MEMO1: variants seen among roughly 807,000 people sequenced by gnomAD.
The protein encoded by MEMO1 is mediator of cell motility 1.
MEMO1 carries 6 observed loss-of-function variants against 45.2 expected under a neutral mutation model. That is an observed-to-expected ratio of 0.13 (90% CI 0.07 to 0.26). MEMO1 has a LOEUF of 0.26. Ranked by LOEUF, MEMO1 falls within the 10% of genes least tolerant of loss-of-function variation. The pLI, the probability that MEMO1 is intolerant of heterozygous loss-of-function variation, is 1.00. For synonymous variants in MEMO1, 78 were observed against 124.3 expected (o/e 0.63, Z 2.48); for missense variants, 184 against 370.5 (o/e 0.50, Z 4.13).
At chr2:31,940,577 T>C in intron 3 of MEMO1, among the ~76,000 whole-genome samples, 1 of 152,230 alleles carries the variant, frequency 6.6e-6, no homozygotes, top group East Asian at 1.9e-4. Flanking sequence ...TATCTCACTG[T>C]TGCCCAAGCG....
chr2:31,948,448 G>A (rs1193296199), intron 2 of MEMO1, among the ~76,000 whole-genome samples: 3 of 152,196 alleles, frequency 2.0e-5, no homozygotes, highest in Admixed American at 6.5e-5. Context: ...AAAGTAGGCC[G>A]TTGGCACCCA....
At chr2:31,869,531 A>G (rs1265618731) in intron 9 of MEMO1, among the ~76,000 whole-genome samples, 1 of 152,130 alleles carries the variant, frequency 6.6e-6, no homozygotes, top group Admixed American at 6.5e-5. Context: ...CAAAAAATTA[A>G]TAAGACCATA....
intron 4 of MEMO1, among the ~76,000 whole-genome samples, chr2:31,923,159 C>G (rs188285725): frequency 2.6e-5 from 4 of 152,248 alleles, no homozygotes; most frequent in Non-Finnish European, 5.9e-5. Flanking sequence ...TTTTCAATAA[C>G]CGCCACTCTA....
rs1352921313 is a variant in MEMO1, at chr2:31,922,169, T to C, written c.213-1259A>G. ...CAATTAATGAACAAAAGCTGAGAGA[T>C]GAGCTAGTTCTTTTCTGTCAAAAAT... is the stretch of plus-strand genomic sequence containing the variant. On this transcript the variant is annotated intron_variant, in intron 4 of 9. Coordinates refer to ENST00000404530, the MANE Select transcript of MEMO1 (RefSeq NM_001301833.4). Among the ~76,000 whole-genome samples, 4 of 152,036 alleles carry C rather than the reference T, an allele frequency of 2.6e-5. No individual in the cohort carries two copies. In the South Asian group the frequency reaches 8.3e-4, roughly 31 times the overall value.
chr2:31,967,477 CT>C (rs1668773234), intron 2 of MEMO1, among the ~76,000 whole-genome samples: 1 of 151,854 alleles, frequency 6.6e-6, no homozygotes, highest in South Asian at 2.1e-4. Flanking sequence ...GAGACAGGGT[CT>C]TGCTGTGTCA....
At chr2:31,941,167 C>T (rs190108376) in intron 3 of MEMO1, among the ~76,000 whole-genome samples, 2 of 152,054 alleles carry the variant, frequency 1.3e-5, no homozygotes, top group African/African-American at 2.4e-5. Flanking sequence ...TCTAGCCCTC[C>T]GCTGCCTATC....
At chr2:31,961,541 T>C (rs971064959) in intron 2 of MEMO1, among the ~76,000 whole-genome samples, 11 of 152,028 alleles carry the variant, frequency 7.2e-5, no homozygotes, top group African/African-American at 2.2e-4. Flanking sequence ...GGCAGGCGAA[T>C]TGCTTGAGCT....
intron 2 of MEMO1, among the ~76,000 whole-genome samples, chr2:31,964,410 G>A (rs529066848): frequency 7.9e-5 from 12 of 152,222 alleles, no homozygotes; most frequent in African/African-American, 1.7e-4. Context: ...AAAAATCACC[G>A]AGTAGGCCGG....
intron 3 of MEMO1, among the ~76,000 whole-genome samples, chr2:31,936,027 C>T (rs976547671): frequency 2.0e-5 from 3 of 152,000 alleles, no homozygotes; most frequent in African/African-American, 7.2e-5. Context: ...GCAGTGGCCA[C>T]ATCTCGGCTC....
intron 6 of MEMO1, among the ~76,000 whole-genome samples, chr2:31,913,783 C>T (rs1274208723): frequency 6.6e-6 from 1 of 151,980 alleles, no homozygotes; most frequent in Non-Finnish European, 1.5e-5. Flanking sequence ...ACAAATAATC[C>T]GTCAACTATT....
chr2:31,998,942 A>G (rs1672936547), intron 2 of MEMO1, among the ~76,000 whole-genome samples: 1 of 152,164 alleles, frequency 6.6e-6, no homozygotes, highest in Non-Finnish European at 1.5e-5. Flanking sequence ...AACAAAATTG[A>G]GCTCCTAACC....
At chr2:31,951,484 G>A (rs1371924953) in intron 2 of MEMO1, among the ~76,000 whole-genome samples, 5 of 150,154 alleles carry the variant, frequency 3.3e-5, no homozygotes, top group Non-Finnish European at 7.4e-5. Flanking sequence ...GTGTTTCCGA[G>A]AAGCCTTACC....
chr2:32,001,107 C>A (rs1214561162), intron 2 of MEMO1, among the ~76,000 whole-genome samples: 1 of 141,548 alleles, frequency 7.1e-6, no homozygotes, highest in African/African-American at 2.6e-5. Context: ...GGCGCAATCT[C>A]GGCTCACTGC....
chr2:31,918,706 T>C (rs1373050450), intron 5 of MEMO1, among the ~76,000 whole-genome samples: 4 of 152,228 alleles, frequency 2.6e-5, no homozygotes, highest in Admixed American at 6.5e-5. Context: ...GTGCTTAAAA[T>C]TGAATATTGT....
At chr2:31,994,230 G>A (rs1433240834) in intron 2 of MEMO1, among the ~76,000 whole-genome samples, 1 of 150,436 alleles carries the variant, frequency 6.6e-6, no homozygotes, top group Non-Finnish European at 1.5e-5. Context: ...CAAAGTACTG[G>A]AATTACAGGC....
chr2:31,896,132 C>T (rs1478003842), intron 6 of MEMO1, among the ~76,000 whole-genome samples: 3 of 152,026 alleles, frequency 2.0e-5, no homozygotes, highest in Middle Eastern at 3.4e-3. Flanking sequence ...CGTGAGCCAC[C>T]GTGCCTGGCA....
chr2:32,006,916 G>A (rs1477632241), intron 2 of MEMO1, among the ~76,000 whole-genome samples: 2 of 127,924 alleles, frequency 1.6e-5, no homozygotes, highest in African/African-American at 5.9e-5. Flanking sequence ...AGTGAGCCAA[G>A]ATCGTGCCAT....
At chr2:31,871,906 T>C (rs1056432682) in intron 8 of MEMO1, among the ~76,000 whole-genome samples, 7 of 151,560 alleles carry the variant, frequency 4.6e-5, no homozygotes. Context: ...CCCAGCTACA[T>C]GGGAGGCTGA....
intron 7 of MEMO1, among the ~76,000 whole-genome samples, chr2:31,883,805 T>A (rs1675760022): frequency 6.6e-6 from 1 of 151,930 alleles, no homozygotes; most frequent in Admixed American, 6.6e-5. Context: ...CCAAAGAATA[T>A]TACTTAAGAA....
Sources: allele counts gnomAD v4.1 joint callset (sites outside exome capture counted in the v4.1 genomes callset), GRCh38; gene constraint gnomAD v4.1.1; transcripts MANE v1.5; gene names NCBI Gene and HGNC (gene_info 2026-07-23, HGNC 2026-07-21).